Variants in ATP10D observed in about 807,000 individuals in gnomAD.
ATP10D encodes phospholipid-transporting ATPase VD.
Under a neutral mutation model 144.8 loss-of-function variants are expected in ATP10D, and 89 were observed. The observed-to-expected ratio is 0.61, with a 90% CI of 0.52 to 0.73. The LOEUF (loss-of-function observed/expected upper bound fraction) is 0.73. Among genes scored for constraint, ATP10D ranks in the 30% least tolerant of loss-of-function variants. The pLI is 0.00. For synonymous variants in ATP10D, 571 were observed against 615.1 expected (o/e 0.93, Z 1.06); for missense variants, 1,603 against 1,714.8 (o/e 0.93, Z 1.15).
At position 47,543,156 on chromosome 4, in the gene ATP10D, T is replaced by A. The variant is rs558725332; in HGVS notation, c.1397-3468T>A. On this transcript the variant is annotated intron_variant, in intron 9 of 22. Transcript: ENST00000273859. ...TTGTTATAATTATTCTATTTTATTA[T>A]TAGTTATTGTTGTTAATCTTTTACT... 1.1e-4 allele frequency among the ~76,000 whole-genome samples: 16 copies of A among 152,256 alleles called. No individual in the cohort carries two copies. The East Asian group carries it at 1.2e-3, about 11-fold the overall frequency.
intron 14 of ATP10D, 23 bp downstream of exon 14, chr4:47,561,098 G>T (rs745338524): frequency 2.7e-5 from 44 of 1,612,806 alleles, no homozygotes; most frequent in Non-Finnish European, 3.7e-5. Flanking sequence ...TGTTTGTATT[G>T]CCTGAATGGA....
intron 1 of ATP10D, among the ~76,000 whole-genome samples, chr4:47,487,045 A>C (rs1220235818): frequency 2.0e-5 from 3 of 152,114 alleles, no homozygotes; most frequent in African/African-American, 7.2e-5. Context: ...AGCCTGACCA[A>C]CATGGCGAAA....
At chr4:47,543,956 CATTCATTTATT>C (rs1213442550) in intron 9 of ATP10D, among the ~76,000 whole-genome samples, 5 of 152,106 alleles carry the variant, frequency 3.3e-5, no homozygotes, top group Non-Finnish European at 7.3e-5. Flanking sequence ...TCTATTGATT[CATTCATTTATT>C]ATTCATTTAA....
chr4:47,516,330 T>C (rs1716687643), intron 3 of ATP10D, among the ~76,000 whole-genome samples: 1 of 151,944 alleles, frequency 6.6e-6, no homozygotes, highest in East Asian at 1.9e-4. Flanking sequence ...AGAGCATTCA[T>C]AGGAGGAGGT....
At chr4:47,525,222 C>G (rs534940626) in intron 4 of ATP10D, among the ~76,000 whole-genome samples, 1 of 152,002 alleles carries the variant, frequency 6.6e-6, no homozygotes, top group Non-Finnish European at 1.5e-5. Context: ...GATTAAAGAC[C>G]AACAACAAAA....
At chr4:47,550,480 A>T (rs572151900) in intron 10 of ATP10D, among the ~76,000 whole-genome samples, 3 of 151,706 alleles carry the variant, frequency 2.0e-5, no homozygotes, top group African/African-American at 7.3e-5. Flanking sequence ...TAGTAATGTC[A>T]TGGGGTTGGG....
rs768032388 is a variant in ATP10D, at chr4:47,515,527, G to C, written c.342G>C (p.Leu114Phe). ...LFLVVLNWVP[L>F]VEAFQKEITM... ...TAGTTGTCCTGAACTGGGTACCTTT[G>C]GTAGAAGCCTTCCAAAAGGAAATCA... The change falls in exon 3 of 23, where the codon TTG becomes TTC. Residue 114 changes from leucine (L) to phenylalanine (F), a missense_variant. Physicochemically the swap from Leu to Phe is conservative, Grantham distance 22. Coordinates refer to ENST00000273859, the MANE Select transcript of ATP10D (RefSeq NM_020453.4). The C allele has an allele frequency of 1.9e-6, 3 of 1,613,776 alleles. No homozygotes were observed. In the African/African-American group the frequency reaches 4.0e-5, roughly 22 times the overall value.
rs1234278832 is a variant in ATP10D at position 47,592,640 on chromosome 4, C to G, written c.*1259C>G. 6.6e-6 allele frequency: 1 copy of G among 152,526 alleles called. No homozygotes were observed. The highest frequency in any genetic ancestry group is 1.5e-5 in the Non-Finnish European group (1 of 67,992). The allele number at this position is 152,526 out of a possible 1,614,324, so 9.4% of individuals were successfully genotyped here. On this transcript the variant is annotated 3_prime_UTR_variant, in exon 23 of 23. Transcript: ENST00000273859. ...GTCATCCAGAATTTCCTTCCTGAAT[C>G]TCCATGCTCATATGCAATGTCTACA...
chr4:47,556,615 G>A (rs1577680602), intron 11 of ATP10D: 3 of 152,232 alleles, frequency 2.0e-5, no homozygotes, highest in African/African-American at 7.2e-5. Flanking sequence ...TAGCTAATCA[G>A]CATTCATGTG....
Position 47,591,035 on chromosome 4 carries a change from C to T in ATP10D, c.3942-7C>T. ...ATTTAATTCTAATGATGTTCCTTGTCACCTAGGTTTGTATACAGAGTTCTT... is the reference window on the plus strand; with the variant it reads ...ATTTAATTCTAATGATGTTCCTTGTTACCTAGGTTTGTATACAGAGTTCTT... On this transcript the variant is annotated splice_polypyrimidine_tract_variant and splice_region_variant and intron_variant, in intron 22 of 22. Transcript: ENST00000273859. The T allele has an allele frequency of 6.5e-7, 1 of 1,543,704 alleles. No individual in the cohort carries two copies. The highest frequency in any genetic ancestry group is 8.8e-7 in the Non-Finnish European group (1 of 1,141,650).
In ATP10D at chr4:47,512,737, A is replaced by T; in HGVS notation, c.197A>T (p.Lys66Met). ...HIQPFKDEYE[K>M]FSGAYVNNRI... Reference sequence around the variant, plus strand: ...CAGCCCTTCAAGGATGAGTATGAGAAGTTCTCCGGAGCCTATGTGAACAAT... The same window carrying T: ...CAGCCCTTCAAGGATGAGTATGAGATGTTCTCCGGAGCCTATGTGAACAAT... The change falls in exon 2 of 23, where the codon AAG becomes ATG. Residue 66 changes from lysine (K) to methionine (M), a missense_variant. Lys to Met is a moderately conservative substitution (Grantham distance 95). Transcript: ENST00000273859. 6.2e-7 allele frequency: 1 copy of T among 1,614,232 alleles called. No homozygotes were observed. Among genetic ancestry groups the T allele is most frequent in the Non-Finnish European group, 8.5e-7 (1 of 1,180,012 alleles).
At chr4:47,529,115 C>A (rs1362548569) in intron 5 of ATP10D, among the ~76,000 whole-genome samples, 1 of 152,082 alleles carries the variant, frequency 6.6e-6, no homozygotes, top group Non-Finnish European at 1.5e-5. Context: ...TTGATTGTTT[C>A]TTTTGCTATG....
chr4:47,585,586 T>C (rs1361848174), intron 21 of ATP10D, among the ~76,000 whole-genome samples: 1 of 152,094 alleles, frequency 6.6e-6, no homozygotes, highest in Non-Finnish European at 1.5e-5. Context: ...TAGGTCTTAG[T>C]CATTCTTTCT....
chr4:47,490,719 A>G (rs76713140), intron 1 of ATP10D, among the ~76,000 whole-genome samples: 3 of 152,230 alleles, frequency 2.0e-5, no homozygotes, highest in African/African-American at 4.8e-5. Context: ...AGTGTGGCTC[A>G]TGCCAGATTG....
chr4:47,539,333 C>G (rs940176341), intron 9 of ATP10D, among the ~76,000 whole-genome samples: 1 of 152,056 alleles, frequency 6.6e-6, no homozygotes, highest in Non-Finnish European at 1.5e-5. Context: ...TATGTAATCA[C>G]CATGCAAATG....
chr4:47,509,943 G>GGT (rs67386792), intron 1 of ATP10D, among the ~76,000 whole-genome samples: 12,473 of 143,620 alleles, frequency 0.087, 573 homozygotes, highest in Non-Finnish European at 0.11. Context: ...TTGTTTCAGG[G>GGT]GTGTGTGTGT....
chr4:47,538,395 T>A (rs1251902837), intron 9 of ATP10D, among the ~76,000 whole-genome samples: 1 of 152,216 alleles, frequency 6.6e-6, no homozygotes, highest in African/African-American at 2.4e-5. Context: ...AGTTCTTAAA[T>A]ACTTAGGATA....
Position 47,557,805 on chromosome 4 carries a change from T to TTG in ATP10D, c.1967_1968insGT (p.Phe656LeufsTer3). On this transcript the variant is annotated frameshift_variant, in exon 12 of 23. Transcript: ENST00000273859. LOFTEE classifies it high-confidence loss of function. ...GCCATCTTCTGGAGTTCCAAACGCC[T>TTG]TTGTGAGCAGACTCCCTCTCTTTAG... 1 of 1,614,242 alleles carries TTG rather than the reference T, an allele frequency of 6.2e-7. No individual in the cohort carries two copies. The highest frequency in any genetic ancestry group is 8.5e-7 in the Non-Finnish European group (1 of 1,180,050).
chr4:47,521,625 TA>T, intron 3 of ATP10D, among the ~76,000 whole-genome samples: 1 of 152,216 alleles, frequency 6.6e-6, no homozygotes, highest in South Asian at 2.1e-4. Context: ...TCTGGACCTT[TA>T]GTTACTCTCC....
Sources: allele counts gnomAD v4.1 joint callset (sites outside exome capture counted in the v4.1 genomes callset), GRCh38; gene constraint gnomAD v4.1.1; transcripts MANE v1.5; gene names NCBI Gene and HGNC (gene_info 2026-07-23, HGNC 2026-07-21).